Variants in C4orf51 observed in about 807,000 individuals in gnomAD.
C4orf51 encodes chromosome 4 open reading frame 51.
In C4orf51, 25 loss-of-function variants were observed where a neutral mutation model predicts 25.2. The observed-to-expected ratio is 0.99, with a 90% CI of 0.72 to 1.39. The LOEUF (loss-of-function observed/expected upper bound fraction) is 1.39. Among genes scored for constraint, C4orf51 ranks in the 40% most tolerant of loss-of-function variants. The pLI, the probability that C4orf51 is intolerant of heterozygous loss-of-function variation, is 0.00. For missense variants in C4orf51, 252 were observed against 239.6 expected, an observed-to-expected ratio of 1.05 and a Z score of -0.34; for synonymous variants, 100 against 84.5, an observed-to-expected ratio of 1.18 and a Z score of -1.01.
intron 1 of C4orf51, among the ~76,000 whole-genome samples, chr4:145,742,112 A>G (rs1733133466): frequency 6.6e-6 from 1 of 152,158 alleles, no homozygotes; most frequent in African/African-American, 2.4e-5. Flanking sequence ...TTTAGCTTCC[A>G]CTTCTAACCT....
the C4orf51 span, among the ~76,000 whole-genome samples, chr4:145,792,120 T>C: frequency 6.6e-6 from 1 of 152,194 alleles, no homozygotes; most frequent in Admixed American, 6.5e-5. Context: ...GACCTGGTGC[T>C]AAGGAGGCCA....
At chr4:145,736,771 C>T (rs185396539), downstream of C4orf51, among the ~76,000 whole-genome samples, 1 of 152,256 alleles carries the variant, frequency 6.6e-6, no homozygotes, top group Admixed American at 6.5e-5. Flanking sequence ...CTTTTTCTGG[C>T]ACACATCAGG....
At chr4:145,723,384 C>T (rs1004803635) in intron 2 of C4orf51, among the ~76,000 whole-genome samples, 3 of 152,004 alleles carry the variant, frequency 2.0e-5, no homozygotes. Flanking sequence ...TAATGACAGG[C>T]AGGTGGGAGA....
downstream of C4orf51, among the ~76,000 whole-genome samples, chr4:145,733,385 G>A (rs1289159065): frequency 2.0e-5 from 3 of 152,316 alleles, no homozygotes; most frequent in South Asian, 2.1e-4. Flanking sequence ...GACCGGGAGC[G>A]GCAGGGGCTG....
intron 2 of C4orf51, among the ~76,000 whole-genome samples, chr4:145,698,687 A>G (rs1174567756): frequency 6.6e-6 from 1 of 152,150 alleles, no homozygotes; most frequent in Admixed American, 6.5e-5. Context: ...CCCACTTCCC[A>G]TCATGCCCTG....
the C4orf51 span, among the ~76,000 whole-genome samples, chr4:145,782,576 C>T: frequency 6.6e-6 from 1 of 152,220 alleles, no homozygotes; most frequent in Admixed American, 6.5e-5. Flanking sequence ...CTTTCACCAA[C>T]ATTGTGGCAA....
intron 1 of C4orf51, among the ~76,000 whole-genome samples, chr4:145,764,028 T>C (rs943526595): frequency 1.1e-4 from 17 of 152,144 alleles, no homozygotes; most frequent in African/African-American, 4.1e-4. Context: ...TCCTCACCCA[T>C]CTAGGGGAGT....
intron 1 of C4orf51, among the ~76,000 whole-genome samples, chr4:145,691,700 T>G (rs990504058): frequency 6.6e-6 from 1 of 152,208 alleles, no homozygotes; most frequent in African/African-American, 2.4e-5. Flanking sequence ...AAACACAGCA[T>G]GTTCTCACTT....
the C4orf51 span, chr4:145,779,320 A>G: frequency 1.3e-6 from 2 of 1,582,936 alleles, no homozygotes; most frequent in African/African-American, 2.7e-5. Flanking sequence ...CCGGAGAGTA[A>G]AGAAGTTGGT....
chr4:145,712,202 A>G (rs1731170244), intron 2 of C4orf51, among the ~76,000 whole-genome samples: 1 of 152,206 alleles, frequency 6.6e-6, no homozygotes, highest in African/African-American at 2.4e-5. Flanking sequence ...TAATAACCCT[A>G]CAATGGCCTC....
intron 2 of C4orf51, among the ~76,000 whole-genome samples, chr4:145,720,563 C>T (rs77150733): frequency 0.02 from 3,088 of 152,256 alleles, 55 homozygotes; most frequent in South Asian, 0.05. Context: ...ACATATTCCC[C>T]GGGAGTGTTC....
intron 2 of C4orf51, among the ~76,000 whole-genome samples, chr4:145,705,043 G>T (rs554032562): frequency 1.1e-4 from 17 of 152,346 alleles, no homozygotes; most frequent in African/African-American, 4.1e-4. Context: ...CCTTGGGTGG[G>T]CTGTCTGCAC....
intron 2 of C4orf51, among the ~76,000 whole-genome samples, chr4:145,700,393 C>T (rs1290617955): frequency 6.6e-6 from 1 of 152,058 alleles, no homozygotes; most frequent in Non-Finnish European, 1.5e-5. Flanking sequence ...CAACCTTCCA[C>T]CCTCCATTCC....
intron 1 of C4orf51, among the ~76,000 whole-genome samples, chr4:145,692,345 CA>C (rs1275653544): frequency 1.3e-5 from 2 of 152,070 alleles, no homozygotes; most frequent in Non-Finnish European, 2.9e-5. Context: ...ATATAAAATT[CA>C]AAAAAACCAG....
chr4:145,684,112 T>G (rs1305325635), intron 1 of C4orf51, among the ~76,000 whole-genome samples: 1 of 123,098 alleles, frequency 8.1e-6, no homozygotes, highest in African/African-American at 3.9e-5. Flanking sequence ...TAACAAACAA[T>G]CCAATTAAAA....
downstream of C4orf51, chr4:145,774,403 G>T: frequency 7.7e-7 from 1 of 1,300,292 alleles, no homozygotes; most frequent in African/African-American, 1.5e-5. Context: ...GGAAGGAAAA[G>T]GGCAATGTCT....
rs1351095030 is a variant in C4orf51 at position 145,762,313 on chromosome 4, G to A, written n.167-8675G>A. On this transcript the variant is annotated intron_variant and non_coding_transcript_variant, in intron 1 of 1. Transcript: ENST00000510096. This position sits in a 1 kb window ranked among gnomAD's most constrained non-coding sequence, Gnocchi z 4.9. ...GGGAGGAGAAGGAAGCCCACCCAAC[G>A]GCCCATCTGCTAATGAGGAAGGGAG... 6.6e-6 allele frequency among the ~76,000 whole-genome samples: 1 copy of A among 152,146 alleles called. No homozygotes were observed. The highest frequency in any genetic ancestry group is 1.5e-5 in the Non-Finnish European group (1 of 68,034).
intron 2 of C4orf51, among the ~76,000 whole-genome samples, chr4:145,725,728 A>G (rs1409678365): frequency 6.6e-6 from 1 of 152,182 alleles, no homozygotes; most frequent in Non-Finnish European, 1.5e-5. Context: ...TGTCCAGTAA[A>G]GGCAAATCTA....
At chr4:145,724,971 G>C (rs1731971063) in intron 2 of C4orf51, among the ~76,000 whole-genome samples, 1 of 151,502 alleles carries the variant, frequency 6.6e-6, no homozygotes, top group Admixed American at 6.6e-5. Context: ...TCGTAAGTGG[G>C]AGCTAAGCTA....
Sources: gnomAD v4.1 joint callset for allele counts (sites outside exome capture counted in the v4.1 genomes callset) on GRCh38, gnomAD v4.1.1 for gene constraint, Gnocchi (gnomAD v3.1) non-coding constraint, MANE v1.5 for transcripts, NCBI Gene and HGNC (gene_info 2026-07-23, HGNC 2026-07-21) for gene names.